MEGF6: variants seen among roughly 807,000 people sequenced by gnomAD.
MEGF6 encodes the protein multiple epidermal growth factor-like domains protein 6.
Under a neutral mutation model 207.1 loss-of-function variants are expected in MEGF6, and 184 were observed. That is an observed-to-expected ratio of 0.89 (90% CI 0.79 to 1.00). The LOEUF is 1.00. Among genes scored for constraint, MEGF6 ranks in the 50% least tolerant of loss-of-function variants. The probability of loss-of-function intolerance (pLI) is 0.00; values close to 1 mark genes in which losing one functional copy is unlikely to be tolerated. For synonymous variants in MEGF6, 1,038 were observed against 910.0 expected (o/e 1.14, Z -2.53); for missense variants, 2,282 against 2,202.9 (o/e 1.04, Z -0.72).
chr1:3,565,368 AC>A lies in MEGF6; in HGVS notation c.481+14456del, dbSNP rs1354680292. Among the ~76,000 whole-genome samples the A allele has an allele frequency of 1.3e-5, 2 of 150,064 alleles. No homozygotes were observed. The highest frequency in any genetic ancestry group is 2.5e-5 in the African/African-American group (1 of 40,244). Reference sequence around the variant, plus strand: ...GTTCCCTTCCTAGCTGGACCTTAAAACCCCCCGGGTCCTGGTGCCTGCTCTG... The same window carrying A: ...GTTCCCTTCCTAGCTGGACCTTAAAACCCCCGGGTCCTGGTGCCTGCTCTG... On this transcript the variant is annotated intron_variant, in intron 4 of 36. Coordinates refer to ENST00000356575, the MANE Select transcript of MEGF6 (RefSeq NM_001409.4). This position sits in a 1 kb window ranked among gnomAD's most constrained non-coding sequence, Gnocchi z 4.8.
chr1:3,505,400 C>G lies in MEGF6; in HGVS notation c.2053+22G>C, dbSNP rs745524311. On this transcript the variant is annotated intron_variant, in intron 16 of 36. Transcript: ENST00000356575. ...AACCGACCCTGGCGCCCCCCGCCCC[C>G]AGACCCCATGCCTGGACTCACCTGC... is the stretch of plus-strand genomic sequence containing the variant. The G allele has an allele frequency of 8.7e-6, 14 of 1,601,438 alleles. 2 individuals are homozygous for G. In the African/African-American group the frequency reaches 1.2e-4, roughly 14 times the overall value.
Position 3,596,095 on chromosome 1 carries a change from G to C in MEGF6, c.267-648C>G, listed in dbSNP as rs569559318. Among the ~76,000 whole-genome samples the C allele has an allele frequency of 2.0e-5, 3 of 152,256 alleles. No homozygotes were observed. In the South Asian group the frequency reaches 6.2e-4, roughly 32 times the overall value. ...GAAGCAGTTAGGGGAGCAGCAGGAG[G>C]ACCTGTGTGGGCCCAGGTCAGAGAG... On this transcript the variant is annotated intron_variant, in intron 2 of 36. Coordinates refer to ENST00000356575, the MANE Select transcript of MEGF6 (RefSeq NM_001409.4).
intron 3 of MEGF6, among the ~76,000 whole-genome samples, chr1:3,584,416 C>T (rs116015934): frequency 0.016 from 2,505 of 152,328 alleles, 60 homozygotes; most frequent in African/African-American, 0.055. Flanking sequence ...ACCCAGCCAT[C>T]CTTTGGGAAG....
At chr1:3,606,764 C>T (rs928587098) in intron 1 of MEGF6, among the ~76,000 whole-genome samples, 4 of 152,216 alleles carry the variant, frequency 2.6e-5, no homozygotes, top group Admixed American at 1.3e-4. Context: ...TGACCTTGAA[C>T]TCCTTGCCAT....
At chr1:3,544,656 T>A (rs1642645983) in intron 4 of MEGF6, among the ~76,000 whole-genome samples, 1 of 152,186 alleles carries the variant, frequency 6.6e-6, no homozygotes, top group African/African-American at 2.4e-5. Context: ...AGCAGGGTCT[T>A]GGGCCTCTCA....
intron 4 of MEGF6, among the ~76,000 whole-genome samples, chr1:3,564,360 C>G (rs1171481915): frequency 6.7e-6 from 1 of 150,252 alleles, no homozygotes; most frequent in African/African-American, 2.5e-5. Flanking sequence ...CTGGAGGGGT[C>G]AGTAAAGCGG....
intron 4 of MEGF6, among the ~76,000 whole-genome samples, chr1:3,562,036 G>T (rs925618296): frequency 1.3e-5 from 2 of 152,224 alleles, no homozygotes; most frequent in Non-Finnish European, 2.9e-5. Flanking sequence ...CCAGCGTCAT[G>T]CTTAGCGGCT....
chr1:3,518,009 G>T (rs1235354159), intron 5 of MEGF6, among the ~76,000 whole-genome samples: 3 of 152,220 alleles, frequency 2.0e-5, no homozygotes, highest in African/African-American at 7.2e-5. Context: ...GCCCCTTCCT[G>T]ACTCTGGAGT....
chr1:3,505,091 G>T, intron 17 of MEGF6, 117 bp downstream of exon 17: 1 of 1,428,668 alleles, frequency 7.0e-7, no homozygotes, highest in South Asian at 1.3e-5. Context: ...CCTGGGCTTA[G>T]GCAAAGGGGG....
intron 4 of MEGF6, among the ~76,000 whole-genome samples, chr1:3,546,556 G>A (rs962316212): frequency 1.3e-5 from 2 of 151,920 alleles, no homozygotes; most frequent in South Asian, 4.1e-4. Flanking sequence ...AGTGGGCTGG[G>A]AAGGGGGCTG....
chr1:3,582,215 C>T lies in MEGF6; in HGVS notation c.377-2286G>A, dbSNP rs78920575. Among the ~76,000 whole-genome samples, 878 of 152,332 alleles carry T rather than the reference C, an allele frequency of 5.8e-3. 10 individuals are homozygous for T. Among genetic ancestry groups the T allele is most frequent in the African/African-American group, 0.02 (833 of 41,568 alleles). ...CTGGGCTAGAAGGAGGACACGGAGA[C>T]CAATGATTAACGTCTGTCCCAGGCT... On this transcript the variant is annotated intron_variant, in intron 3 of 36. Coordinates refer to ENST00000356575, the MANE Select transcript of MEGF6 (RefSeq NM_001409.4).
At position 3,509,340 on chromosome 1, in the gene MEGF6, G is replaced by A. The variant is rs867920066; in HGVS notation, c.1358-95C>T. The A allele has an allele frequency of 1.5e-5, 17 of 1,162,084 alleles. No homozygotes were observed. In the African/African-American group the frequency reaches 2.4e-4, roughly 17 times the overall value. 72.0% of individuals were successfully genotyped at this position (1,162,084 alleles called of 1,614,324 possible). On this transcript the variant is annotated intron_variant, in intron 11 of 36. Transcript: ENST00000356575. Reference sequence around the variant, plus strand: ...AGGGCTGGGCCTAAGCCCCACCCCAGGGAACCCCACCACCCTCCTACTGCC... The same window carrying A: ...AGGGCTGGGCCTAAGCCCCACCCCAAGGAACCCCACCACCCTCCTACTGCC...
At chr1:3,542,641 G>T (rs905016242) in intron 4 of MEGF6, among the ~76,000 whole-genome samples, 1 of 152,216 alleles carries the variant, frequency 6.6e-6, no homozygotes, top group Non-Finnish European at 1.5e-5. Flanking sequence ...CCGGGCCGTG[G>T]GCCCCGAGCA....
chr1:3,494,336 G>A (rs899211343), intron 32 of MEGF6, 35 bp downstream of exon 32: 1 of 1,525,754 alleles, frequency 6.6e-7, no homozygotes, highest in Admixed American at 2.0e-5. Context: ...TGGCTCAAAG[G>A]GGCCCCAGCC....
chr1:3,591,982 C>T lies in MEGF6; in HGVS notation c.376+3356G>A, dbSNP rs114172966. ...TGTTTTCCACTCTTGGCTGCTTGGACGGGCATCGGCATCCGGCCCATCAGC... is the reference window on the plus strand; with the variant it reads ...TGTTTTCCACTCTTGGCTGCTTGGATGGGCATCGGCATCCGGCCCATCAGC... On this transcript the variant is annotated intron_variant, in intron 3 of 36. Coordinates refer to ENST00000356575, the MANE Select transcript of MEGF6 (RefSeq NM_001409.4). 2.9e-3 allele frequency among the ~76,000 whole-genome samples: 443 copies of T among 152,276 alleles called. 2 individuals carry two copies. The highest frequency in any genetic ancestry group is 9.7e-3 in the African/African-American group (403 of 41,548).
At chr1:3,522,707 C>A (rs1478436708) in intron 5 of MEGF6, among the ~76,000 whole-genome samples, 1 of 151,996 alleles carries the variant, frequency 6.6e-6, no homozygotes, top group Admixed American at 6.5e-5. Flanking sequence ...GAGTGAGTGT[C>A]CCAAGGCCCC....
At chr1:3,580,526 A>C (rs531086453) in intron 3 of MEGF6, among the ~76,000 whole-genome samples, 21 of 151,976 alleles carry the variant, frequency 1.4e-4, no homozygotes, top group African/African-American at 4.6e-4. Context: ...GGAGGAGGCC[A>C]CAGCTGGACC....
intron 4 of MEGF6, among the ~76,000 whole-genome samples, chr1:3,554,403 T>A (rs1197657660): frequency 6.6e-6 from 1 of 151,648 alleles, no homozygotes; most frequent in Non-Finnish European, 1.5e-5. Context: ...GCACTCCAGG[T>A]GTCCCGGTGA....
At chr1:3,606,152 C>T (rs567250395) in intron 1 of MEGF6, among the ~76,000 whole-genome samples, 3 of 152,372 alleles carry the variant, frequency 2.0e-5, no homozygotes, top group South Asian at 2.1e-4. Flanking sequence ...CACCAACCAT[C>T]GGGCTCTAGG....
Sources: allele counts gnomAD v4.1 joint callset (sites outside exome capture counted in the v4.1 genomes callset), GRCh38; gene constraint gnomAD v4.1.1; non-coding constraint Gnocchi (gnomAD v3.1); transcripts MANE v1.5; gene names NCBI Gene and HGNC (gene_info 2026-07-23, HGNC 2026-07-21).